CNTN4: variants seen among roughly 807,000 people sequenced by gnomAD.
CNTN4 encodes contactin 4, also known as contactin-4.
Under a neutral mutation model 122.5 loss-of-function variants are expected in CNTN4, and 77 were observed. The observed-to-expected ratio is 0.63, with a 90% CI of 0.52 to 0.76. The LOEUF (loss-of-function observed/expected upper bound fraction) is 0.76. CNTN4 is among the 30% of genes least tolerant of loss of function. The pLI, the probability that CNTN4 is intolerant of heterozygous loss-of-function variation, is 0.00. For missense variants in CNTN4, 1,256 were observed against 1,259.1 expected (o/e 1.00, Z 0.04); for synonymous variants, 512 against 447.0 (o/e 1.15, Z -1.83).
intron 4 of CNTN4, among the ~76,000 whole-genome samples, chr3:2,661,479 A>G (rs984116703): frequency 6.6e-6 from 1 of 151,860 alleles, no homozygotes; most frequent in Non-Finnish European, 1.5e-5. Flanking sequence ...TGTATAAGAA[A>G]GAAGCAAAAA....
At chr3:2,879,927 A>T (rs773368573) in intron 8 of CNTN4, among the ~76,000 whole-genome samples, 7 of 152,308 alleles carry the variant, frequency 4.6e-5, no homozygotes, top group Admixed American at 1.3e-4. Context: ...CATTTGGGTC[A>T]TTTAAAGACC....
At position 2,957,596 on chromosome 3, in the gene CNTN4, A is replaced by C. The variant is rs181885376; in HGVS notation, c.1359-30749A>C. ...GTTTTTCAGCTCACATCCCCTCCCC[A>C]CCTTCCCCACTCTAACAGTTCCCAG... On this transcript the variant is annotated intron_variant, in intron 13 of 24. Coordinates refer to ENST00000418658, the MANE Select transcript of CNTN4 (RefSeq NM_175607.3). 8.7e-3 allele frequency among the ~76,000 whole-genome samples: 1,323 copies of C among 151,968 alleles called. 86 individuals carry two copies. Among genetic ancestry groups the C allele is most frequent in the Admixed American group, 0.075 (1,142 of 15,252 alleles).
At chr3:2,359,223 C>G (rs1256136919) in intron 3 of CNTN4, among the ~76,000 whole-genome samples, 2 of 152,132 alleles carry the variant, frequency 1.3e-5, no homozygotes, top group African/African-American at 4.8e-5. Context: ...GGATGTGAGT[C>G]TACAGTAGAG....
chr3:2,233,956 T>G (rs2039584296), intron 2 of CNTN4, among the ~76,000 whole-genome samples: 1 of 152,038 alleles, frequency 6.6e-6, no homozygotes, highest in Non-Finnish European at 1.5e-5. Flanking sequence ...ATCTACTTTA[T>G]GCAATTAGTA....
At chr3:2,742,903 T>A (rs575127741) in intron 5 of CNTN4, among the ~76,000 whole-genome samples, 1 of 152,206 alleles carries the variant, frequency 6.6e-6, no homozygotes, top group Non-Finnish European at 1.5e-5. Context: ...TGCATTGCAA[T>A]AAAACTTGGT....
chr3:2,737,897 C>A (rs1576619012), intron 5 of CNTN4, among the ~76,000 whole-genome samples: 1 of 152,110 alleles, frequency 6.6e-6, no homozygotes, highest in African/African-American at 2.4e-5. Flanking sequence ...AAACATTAAA[C>A]CTTAGTGGTT....
chr3:2,545,442 T>C (rs1005837856), intron 3 of CNTN4, among the ~76,000 whole-genome samples: 7 of 152,100 alleles, frequency 4.6e-5, no homozygotes, highest in Non-Finnish European at 4.4e-5. Context: ...ATTATCTGTC[T>C]AATGCTGTCA....
At chr3:3,033,456 A>T (rs1043123906) in intron 16 of CNTN4, among the ~76,000 whole-genome samples, 5 of 152,224 alleles carry the variant, frequency 3.3e-5, no homozygotes, top group African/African-American at 9.6e-5. Flanking sequence ...GAATCCTAGA[A>T]CAAAGGCTAA....
chr3:3,024,950 G>A (rs1460833543), intron 14 of CNTN4, among the ~76,000 whole-genome samples: 1 of 152,114 alleles, frequency 6.6e-6, no homozygotes, highest in Non-Finnish European at 1.5e-5. Flanking sequence ...TTATTATTTG[G>A]TTTGGTTTTG....
chr3:2,934,989 T>TA (rs11386112), intron 13 of CNTN4, among the ~76,000 whole-genome samples: 104,225 of 152,072 alleles, frequency 0.69, 35,965 homozygotes, highest in Middle Eastern at 0.78. Context: ...ATAAAATAGT[T>TA]ACGGCGTTGA....
chr3:2,913,843 C>G (rs932375771), intron 12 of CNTN4, among the ~76,000 whole-genome samples: 2 of 152,162 alleles, frequency 1.3e-5, no homozygotes, highest in Admixed American at 1.3e-4. Flanking sequence ...CTCTCTACTA[C>G]AACAGAATAT....
intron 2 of CNTN4, among the ~76,000 whole-genome samples, chr3:2,297,787 T>C (rs2042368709): frequency 6.6e-6 from 1 of 152,172 alleles, no homozygotes; most frequent in South Asian, 2.1e-4. Flanking sequence ...TGGAGTGCAG[T>C]GGCACAATCA....
At chr3:2,783,082 C>T (rs1029354011) in intron 6 of CNTN4, among the ~76,000 whole-genome samples, 2 of 151,780 alleles carry the variant, frequency 1.3e-5, no homozygotes, top group Non-Finnish European at 2.9e-5. Flanking sequence ...AGTTCAGGAC[C>T]AGCCTGGGCA....
intron 3 of CNTN4, among the ~76,000 whole-genome samples, chr3:2,465,135 T>C (rs66667302): frequency 0.11 from 15,987 of 152,234 alleles, 839 homozygotes; most frequent in East Asian, 0.16. Flanking sequence ...TTTACTGCTA[T>C]ATTATATATT....
chr3:2,702,989 C>T lies in CNTN4; in HGVS notation c.56-33226C>T, dbSNP rs1434769729. 2.6e-5 allele frequency among the ~76,000 whole-genome samples: 4 copies of T among 152,244 alleles called. No individual in the cohort carries two copies. In the East Asian group the frequency reaches 7.7e-4, roughly 29 times the overall value. ...TTCTTGATATTCTCAGGAATGTGTTCTTCTGGTAATTTCTGTAAGTTTTCA... is the reference window on the plus strand; with the variant it reads ...TTCTTGATATTCTCAGGAATGTGTTTTTCTGGTAATTTCTGTAAGTTTTCA... On this transcript the variant is annotated intron_variant, in intron 4 of 24. Transcript: ENST00000418658.
chr3:2,511,795 G>C (rs1331417490), intron 3 of CNTN4: 1 of 152,138 alleles, frequency 6.6e-6, no homozygotes, highest in East Asian at 1.9e-4. Context: ...GCTCTTTGTT[G>C]AATCAAGCTG....
Position 3,056,927 on chromosome 3 carries a change from A to C in CNTN4, c.*707A>C, listed in dbSNP as rs1574959056. The C allele has an allele frequency of 6.5e-6, 1 of 152,680 alleles. No individual in the cohort carries two copies. Among genetic ancestry groups the C allele is most frequent in the East Asian group, 1.9e-4 (1 of 5,202 alleles). The allele number at this position is 152,680 out of a possible 1,614,324, so 9.5% of individuals were successfully genotyped here. A position where few individuals can be genotyped will look rare whatever the true frequency, so the allele number is the denominator to read the frequency against. ...GTACTGCCCAAGAGGCACCTTGTGC[A>C]ATATTCCCATCCCTGAATTTAGCAT... On this transcript the variant is annotated 3_prime_UTR_variant, in exon 25 of 25. Transcript: ENST00000418658.
chr3:2,175,182 A>G (rs1377612733), intron 2 of CNTN4, among the ~76,000 whole-genome samples: 5 of 152,224 alleles, frequency 3.3e-5, no homozygotes, highest in African/African-American at 1.2e-4. Flanking sequence ...GGTAGCTTCT[A>G]GGTTCACTGT....
chr3:2,751,099 A>C (rs2090067861), intron 6 of CNTN4, among the ~76,000 whole-genome samples: 1 of 151,924 alleles, frequency 6.6e-6, no homozygotes, highest in African/African-American at 2.4e-5. Context: ...CAGGAGATTG[A>C]GACCATCCTG....
Sources: allele counts gnomAD v4.1 joint callset (sites outside exome capture counted in the v4.1 genomes callset), GRCh38; gene constraint gnomAD v4.1.1; transcripts MANE v1.5; gene names NCBI Gene and HGNC (gene_info 2026-07-23, HGNC 2026-07-21).